Variants in CHRNA7 observed in about 807,000 individuals in gnomAD.
CHRNA7 encodes neuronal acetylcholine receptor subunit alpha-7.
A neutral mutation model predicts 48.0 loss-of-function variants in CHRNA7; 17 were observed. The observed-to-expected ratio is 0.35, with a 90% CI of 0.24 to 0.53. The LOEUF (loss-of-function observed/expected upper bound fraction) is 0.53, where lower values mean the gene tolerates loss of function less well. Among genes scored for constraint, CHRNA7 ranks in the 20% least tolerant of loss-of-function variants. CHRNA7 has a pLI of 0.92. For synonymous variants in CHRNA7, 75 were observed against 242.3 expected (o/e 0.31, Z 6.41); for missense variants, 155 against 577.7 (o/e 0.27, Z 7.50).
rs369103243 is a variant in CHRNA7, at chr15:32,137,658, T to C, written c.351-16249T>C. 1.1e-3 allele frequency among the ~76,000 whole-genome samples: 163 copies of C among 152,326 alleles called. 3 individuals are homozygous for C. The South Asian group carries it at 0.032, about 30-fold the overall frequency. ...TAGATACAGATATAGAAAAAATGCA[T>C]CCTCATTCCACTAGAAAATAAATAT... On this transcript the variant is annotated intron_variant, in intron 4 of 9. Coordinates refer to ENST00000306901, the MANE Select transcript of CHRNA7 (RefSeq NM_000746.6).
At chr15:32,061,737 G>A (rs1048269800) in intron 2 of CHRNA7, among the ~76,000 whole-genome samples, 2 of 152,166 alleles carry the variant, frequency 1.3e-5, no homozygotes, top group African/African-American at 4.8e-5. Flanking sequence ...GAACCCGGGA[G>A]GCGGAGGTTG....
At chr15:32,125,132 G>A (rs12916879) in intron 4 of CHRNA7, among the ~76,000 whole-genome samples, 86,279 of 152,024 alleles carry the variant, frequency 0.57, 25,061 homozygotes, top group East Asian at 0.7. Context: ...CTTCCAGTTG[G>A]TTAGTCACCT....
intron 4 of CHRNA7, among the ~76,000 whole-genome samples, chr15:32,121,507 G>A (rs1321749335): frequency 6.6e-6 from 1 of 152,220 alleles, no homozygotes; most frequent in East Asian, 1.9e-4. Context: ...GTCCTTGACA[G>A]GCTCTTTGTG....
At chr15:32,124,779 G>A (rs2051035831) in intron 4 of CHRNA7, among the ~76,000 whole-genome samples, 1 of 152,138 alleles carries the variant, frequency 6.6e-6, no homozygotes, top group Non-Finnish European at 1.5e-5. Context: ...CTCTAGGAGG[G>A]GATTGGGTCA....
chr15:32,086,991 G>A (rs762253996), intron 2 of CHRNA7, among the ~76,000 whole-genome samples: 4 of 151,984 alleles, frequency 2.6e-5, no homozygotes, highest in Non-Finnish European at 4.4e-5. Flanking sequence ...TTTATATACT[G>A]TACTCTTTGG....
At chr15:32,058,955 C>T (rs1255309120) in intron 2 of CHRNA7, among the ~76,000 whole-genome samples, 6 of 152,042 alleles carry the variant, frequency 3.9e-5, no homozygotes, top group Admixed American at 3.3e-4. Flanking sequence ...AATGACTGTA[C>T]CTGTCTAGGC....
chr15:32,112,975 C>T (rs1218425956), intron 4 of CHRNA7, among the ~76,000 whole-genome samples: 2 of 152,130 alleles, frequency 1.3e-5, no homozygotes, highest in Admixed American at 1.3e-4. Context: ...CTTTGAAAAA[C>T]GTCTAAAATA....
At chr15:32,046,837 A>G (rs1235367162) in intron 2 of CHRNA7, among the ~76,000 whole-genome samples, 2 of 151,798 alleles carry the variant, frequency 1.3e-5, no homozygotes, top group Non-Finnish European at 2.9e-5. Flanking sequence ...ATCTTGAATT[A>G]ATTTTTGTAT....
chr15:32,091,871 C>A (rs1366815538), intron 2 of CHRNA7, among the ~76,000 whole-genome samples: 1 of 152,060 alleles, frequency 6.6e-6, no homozygotes, highest in Non-Finnish European at 1.5e-5. Flanking sequence ...TCTTGTGAGC[C>A]AAAATCAGCA....
chr15:32,111,934 A>G, intron 4 of CHRNA7, 35 bp downstream of exon 4: 2 of 1,171,838 alleles, frequency 1.7e-6, no homozygotes, highest in Non-Finnish European at 2.6e-6. Flanking sequence ...AAATGATTTT[A>G]TGCTTGCATA....
At chr15:32,098,003 C>G (rs1250096045) in intron 2 of CHRNA7, among the ~76,000 whole-genome samples, 1 of 152,212 alleles carries the variant, frequency 6.6e-6, no homozygotes, top group Non-Finnish European at 1.5e-5. Context: ...GGAGTGGAGC[C>G]CCTGCATACC....
At chr15:32,042,514 C>CAT in intron 2 of CHRNA7, among the ~76,000 whole-genome samples, 1 of 152,282 alleles carries the variant, frequency 6.6e-6, no homozygotes, top group South Asian at 2.1e-4. Flanking sequence ...AGGTAAATCT[C>CAT]ATGATATTTG....
At chr15:32,094,260 T>G (rs2050429972) in intron 2 of CHRNA7, among the ~76,000 whole-genome samples, 1 of 152,176 alleles carries the variant, frequency 6.6e-6, no homozygotes, top group African/African-American at 2.4e-5. Context: ...TTTGAAAAGA[T>G]TCTCATCTGC....
intron 2 of CHRNA7, among the ~76,000 whole-genome samples, chr15:32,081,748 CTT>C (rs1240685016): frequency 1.3e-5 from 2 of 152,166 alleles, no homozygotes; most frequent in African/African-American, 4.8e-5. Flanking sequence ...ACAAACATAA[CTT>C]AGAATACTCA....
At chr15:32,077,824 GAGAGAA>G (rs2050157536) in intron 2 of CHRNA7, among the ~76,000 whole-genome samples, 3 of 152,038 alleles carry the variant, frequency 2.0e-5, no homozygotes, top group Admixed American at 6.6e-5. Context: ...GAGGAAGCAA[GAGAGAA>G]AGAGAAAGAG....
chr15:32,098,832 A>G (rs945926245), intron 2 of CHRNA7: 4 of 145,646 alleles, frequency 2.7e-5, no homozygotes, highest in African/African-American at 7.7e-5. Flanking sequence ...TAAGTGTATC[A>G]TTATTGTGTT....
chr15:32,030,877 C>T (rs987797592), intron 1 of CHRNA7, 21 bp from the exon 2 acceptor site: 9 of 1,611,790 alleles, frequency 5.6e-6, no homozygotes, highest in African/African-American at 4.0e-5. Context: ...GAGCCCCCTG[C>T]CCGGGTCTTC....
At chr15:32,066,222 A>C (rs1309188008) in intron 2 of CHRNA7, among the ~76,000 whole-genome samples, 1 of 152,280 alleles carries the variant, frequency 6.6e-6, no homozygotes, top group Non-Finnish European at 1.5e-5. Flanking sequence ...TGAATAAACA[A>C]ATAGCAGCAA....
At chr15:32,103,700 A>G (rs2050612999) in intron 3 of CHRNA7, among the ~76,000 whole-genome samples, 1 of 152,162 alleles carries the variant, frequency 6.6e-6, no homozygotes, top group Admixed American at 6.5e-5. Flanking sequence ...CCCTGCTGAG[A>G]GCCTGGCATT....
Sources: gnomAD v4.1 joint callset for allele counts (sites outside exome capture counted in the v4.1 genomes callset) on GRCh38, gnomAD v4.1.1 for gene constraint, MANE v1.5 for transcripts, NCBI Gene and HGNC (gene_info 2026-07-23, HGNC 2026-07-21) for gene names.